NRG1: variants seen among roughly 807,000 people sequenced by gnomAD.
NRG1 encodes pro-neuregulin-1, membrane-bound isoform.
NRG1 carries 18 observed loss-of-function variants against 63.8 expected under a neutral mutation model. The ratio of observed to expected loss-of-function variants is 0.28; its 90% CI spans 0.19 to 0.42. The LOEUF is 0.42. Among genes scored for constraint, NRG1 ranks in the 10% least tolerant of loss-of-function variants. NRG1 has a pLI of 1.00. For synonymous variants in NRG1, 302 were observed against 301.3 expected (o/e 1.00, Z -0.02); for missense variants, 762 against 814.7 (o/e 0.94, Z 0.79).
At chr8:32,297,071 C>T (rs550536830) in intron 1 of NRG1, among the ~76,000 whole-genome samples, 9 of 151,808 alleles carry the variant, frequency 5.9e-5, no homozygotes, top group Middle Eastern at 3.4e-3. Context: ...GCCAAGATCG[C>T]GCCACTGCAC....
chr8:31,698,557 T>G (rs1043881688), intron 1 of NRG1, among the ~76,000 whole-genome samples: 2 of 152,244 alleles, frequency 1.3e-5, no homozygotes, highest in Non-Finnish European at 2.9e-5. Flanking sequence ...AAATATTTAT[T>G]GACTGCCTGC....
At chr8:31,877,679 G>T (rs74544236) in intron 1 of NRG1, among the ~76,000 whole-genome samples, 5,978 of 152,114 alleles carry the variant, frequency 0.039, 417 homozygotes, top group African/African-American at 0.14. Context: ...TTGATCAGGA[G>T]CATAATTCCA....
chr8:31,952,009 A>G (rs1803548132), intron 1 of NRG1, among the ~76,000 whole-genome samples: 1 of 152,164 alleles, frequency 6.6e-6, no homozygotes, highest in Admixed American at 6.5e-5. Flanking sequence ...CAAGAAACCG[A>G]CTGTCTTACT....
At chr8:31,876,180 G>C (rs1219365231) in intron 1 of NRG1, among the ~76,000 whole-genome samples, 2 of 152,146 alleles carry the variant, frequency 1.3e-5, no homozygotes, top group African/African-American at 2.4e-5. Context: ...TATTGCTTAA[G>C]AGCACAACAT....
rs149982208 is a variant in NRG1 at position 32,627,421 on chromosome 8, C to T, written c.502+10536C>T. The stretch of plus-strand genomic sequence containing the variant: ...ATTTGCAAAGGCTATGTTACATATC[C>T]GAGGAGATACTTTTGTTTAGGCCAT... On this transcript the variant is annotated intron_variant, in intron 5 of 11. Coordinates refer to ENST00000356819, the Ensembl canonical transcript of NRG1. Among the ~76,000 whole-genome samples, 101 of 152,200 alleles carry T rather than the reference C, an allele frequency of 6.6e-4. 1 individual carries two copies. The highest frequency in any genetic ancestry group is 1.1e-3 in the Admixed American group (17 of 15,280).
intron 1 of NRG1, among the ~76,000 whole-genome samples, chr8:31,884,138 G>T (rs1378066366): frequency 6.6e-6 from 1 of 151,980 alleles, no homozygotes; most frequent in African/African-American, 2.4e-5. Context: ...TGTTATCTTG[G>T]TTTTTGTTTC....
intron 1 of NRG1, among the ~76,000 whole-genome samples, chr8:32,409,258 A>G (rs1008922414): frequency 3.3e-5 from 5 of 152,198 alleles, no homozygotes; most frequent in African/African-American, 9.7e-5. Flanking sequence ...TTCACTCAAG[A>G]TGAATTAAAG....
intron 1 of NRG1, chr8:32,171,301 T>G (rs375894973): frequency 6.6e-6 from 1 of 152,328 alleles, no homozygotes; most frequent in African/African-American, 2.4e-5. Context: ...TTGGTATATG[T>G]GTGCCATGGT....
intron 5 of NRG1, among the ~76,000 whole-genome samples, chr8:32,640,565 C>G (rs577950970): frequency 6.7e-6 from 1 of 149,470 alleles, no homozygotes; most frequent in African/African-American, 2.5e-5. Context: ...CCATTTGCCC[C>G]TCATCCTTGG....
chr8:31,807,657 G>A (rs201472757), intron 1 of NRG1, among the ~76,000 whole-genome samples: 19 of 152,068 alleles, frequency 1.2e-4, no homozygotes, highest in Non-Finnish European at 2.6e-4. Flanking sequence ...GTTGACCATA[G>A]GAACAATATT....
intron 1 of NRG1, among the ~76,000 whole-genome samples, chr8:31,790,817 C>T (rs1381014577): frequency 6.6e-6 from 1 of 152,102 alleles, no homozygotes; most frequent in Non-Finnish European, 1.5e-5. Flanking sequence ...TGATGTGGTC[C>T]AGAGACATGA....
At chr8:31,687,205 A>G (rs568820782) in intron 1 of NRG1, among the ~76,000 whole-genome samples, 10 of 152,354 alleles carry the variant, frequency 6.6e-5, no homozygotes, top group African/African-American at 1.9e-4. Flanking sequence ...GACAGCACAG[A>G]GAAAAGATGC....
chr8:32,269,135 T>C (rs1007138384), intron 1 of NRG1, among the ~76,000 whole-genome samples: 2 of 152,052 alleles, frequency 1.3e-5, no homozygotes, highest in Non-Finnish European at 2.9e-5. Context: ...TTATTAAATA[T>C]GCTCATTATT....
At chr8:32,094,724 T>C (rs1056102980) in intron 1 of NRG1, among the ~76,000 whole-genome samples, 1 of 152,238 alleles carries the variant, frequency 6.6e-6, no homozygotes, top group Admixed American at 6.5e-5. Flanking sequence ...TTTGGTTCTG[T>C]CACCTCAGAA....
At chr8:32,513,463 C>G (rs1459058567) in intron 1 of NRG1, among the ~76,000 whole-genome samples, 2 of 150,844 alleles carry the variant, frequency 1.3e-5, no homozygotes, top group African/African-American at 4.9e-5. Flanking sequence ...GTTGATTTGT[C>G]ACTTTACACA....
intron 3 of NRG1, among the ~76,000 whole-genome samples, chr8:32,607,310 G>T (rs1455020475): frequency 1.3e-5 from 2 of 152,070 alleles, no homozygotes; most frequent in Non-Finnish European, 2.9e-5. Flanking sequence ...TATAACCATT[G>T]TTTGAAGCTC....
intron 1 of NRG1, among the ~76,000 whole-genome samples, chr8:32,474,670 T>C (rs1824273975): frequency 6.6e-6 from 1 of 151,866 alleles, no homozygotes; most frequent in African/African-American, 2.4e-5. Context: ...TTTTTGTGTG[T>C]GTGTGTGTTT....
intron 1 of NRG1, among the ~76,000 whole-genome samples, chr8:32,151,570 C>T (rs1303256163): frequency 1.3e-5 from 2 of 152,030 alleles, no homozygotes; most frequent in Non-Finnish European, 2.9e-5. Context: ...CAAGGGAAAA[C>T]TTGAGTGGTG....
At chr8:32,054,705 A>G (rs983459527) in intron 1 of NRG1, among the ~76,000 whole-genome samples, 3 of 152,196 alleles carry the variant, frequency 2.0e-5, no homozygotes, top group African/African-American at 7.2e-5. Flanking sequence ...GAAGACAAAA[A>G]GTATTTAGAA....
Sources: allele counts gnomAD v4.1 joint callset (sites outside exome capture counted in the v4.1 genomes callset), GRCh38; gene constraint gnomAD v4.1.1; transcripts MANE v1.5; gene names NCBI Gene and HGNC (gene_info 2026-07-23, HGNC 2026-07-21).